The following ASAH1 variants were observed in gnomAD, a reference collection of about 807,000 sequenced individuals.
ASAH1 encodes the protein acid ceramidase.
In ASAH1, 70 loss-of-function variants were observed where a neutral mutation model predicts 59.5. The observed-to-expected ratio is 1.18, with a 90% CI of 0.97 to 1.43. The LOEUF (loss-of-function observed/expected upper bound fraction) is 1.43, where lower values mean the gene tolerates loss of function less well. Among genes scored for constraint, ASAH1 ranks in the 40% most tolerant of loss-of-function variants. The pLI is 0.00. For missense variants in ASAH1, 660 were observed against 482.5 expected, an observed-to-expected ratio of 1.37 and a Z score of -3.45; for synonymous variants, 213 against 166.5, an observed-to-expected ratio of 1.28 and a Z score of -2.15.
In ASAH1 at chr8:18,057,066, A is replaced by G. The variant is rs1015179500; in HGVS notation, c.*468T>C. On this transcript the variant is annotated 3_prime_UTR_variant, in exon 14 of 14. Coordinates refer to ENST00000637790, the MANE Select transcript of ASAH1 (RefSeq NM_177924.5). ...CAAAGATAATGATATATTAATTTTA[A>G]CAGCAGTTAGAACCAGAAGGAAAAG... is the stretch of plus-strand genomic sequence containing the variant. The G allele has an allele frequency of 1.2e-5, 2 of 170,620 alleles. No homozygotes were observed. The highest frequency in any genetic ancestry group is 4.8e-5 in the African/African-American group (2 of 41,890). The allele number at this position is 170,620 out of a possible 1,614,324, so 10.6% of individuals were successfully genotyped here.
chr8:18,057,620 T>C lies in ASAH1; in HGVS notation c.1102A>G (p.Thr368Ala). The C allele has an allele frequency of 6.3e-7, 1 of 1,599,188 alleles. No individual in the cohort carries two copies. The highest frequency in any genetic ancestry group is 1.7e-5 in the Admixed American group (1 of 59,568). Residue 368 changes from threonine (T) to alanine (A), a missense_variant, in exon 14 of 14, where the codon ACC becomes GCC. Physicochemically the swap from Thr to Ala is moderately conservative, Grantham distance 58. Coordinates refer to ENST00000637790, the MANE Select transcript of ASAH1 (RefSeq NM_177924.5). ...ACATCTATCAAGGTTGTGTATACGG[T>C]CAGCTGAAAGAAAAGTTATTTTTAC... ...LSTKPVLNKL[T>A]VYTTLIDVTK...
intron 7 of ASAH1, chr8:18,062,868 CTTTTT>C (rs10562212): frequency 7.9e-3 from 1,439 of 181,010 alleles, no homozygotes; most frequent in South Asian, 0.018. Context: ...GTTCTGTGTT[CTTTTT>C]TTTTTTTTTT....
At chr8:18,070,003 C>G (rs1436975477) in intron 3 of ASAH1, 125 bp from the exon 4 acceptor site, 5 of 624,828 alleles carry the variant, frequency 8.0e-6, no homozygotes, top group African/African-American at 3.7e-5. Context: ...TTTTTTAAAA[C>G]AGCATCTCGC....
upstream of ASAH1, chr8:18,084,730 C>T (rs767793706): frequency 7.4e-6 from 12 of 1,613,614 alleles, no homozygotes; most frequent in Admixed American, 2.0e-4. Flanking sequence ...CGGTGAAAAG[C>T]GCGCTGAGAC....
intron 2 of ASAH1, among the ~76,000 whole-genome samples, chr8:18,074,056 G>C (rs1171994807): frequency 2.0e-5 from 3 of 152,224 alleles, no homozygotes; most frequent in Non-Finnish European, 2.9e-5. Context: ...ATCAGGAAAG[G>C]TTTATGGTTT....
At chr8:18,058,800 C>G (rs768969765) in intron 13 of ASAH1, 35 bp downstream of exon 13, 3 of 1,575,140 alleles carry the variant, frequency 1.9e-6, no homozygotes, top group African/African-American at 1.3e-5. Context: ...AATTCTTTCC[C>G]TAAAAGGCAA....
intron 6 of ASAH1, 197 bp from the exon 7 acceptor site, chr8:18,063,427 C>A (rs1799791713): frequency 1.7e-6 from 1 of 594,218 alleles, no homozygotes. Context: ...CCTCAGCCTT[C>A]CACGTAGTTG....
chr8:18,077,310 G>A (rs140049639), intron 1 of ASAH1, among the ~76,000 whole-genome samples: 4 of 152,256 alleles, frequency 2.6e-5, no homozygotes, highest in Non-Finnish European at 4.4e-5. Context: ...TAAACACCTC[G>A]CATGTTCACA....
At position 18,062,437 on chromosome 8, in the gene ASAH1, G is replaced by A. The variant is rs1420857851; in HGVS notation, c.504-14C>T. The A allele has an allele frequency of 6.2e-7, 1 of 1,613,744 alleles. No homozygotes were observed. The highest frequency in any genetic ancestry group is 1.3e-5 in the African/African-American group (1 of 75,038). On this transcript the variant is annotated splice_polypyrimidine_tract_variant and intron_variant, in intron 7 of 13. Transcript: ENST00000637790. Reference sequence around the variant, plus strand: ...TTTATGTTCCACCTATAAAAGACATGTTTCAGTGACATTTCAGAAACACAG... The same window carrying A: ...TTTATGTTCCACCTATAAAAGACATATTTCAGTGACATTTCAGAAACACAG...
intron 1 of ASAH1, chr8:18,075,796 T>C (rs1800379422): frequency 3.4e-6 from 2 of 590,692 alleles, no homozygotes; most frequent in African/African-American, 1.9e-5. Flanking sequence ...CAATTCAATT[T>C]GTAAAAGTGC....
At position 18,058,643 on chromosome 8, in the gene ASAH1, C is replaced by A. The variant is rs1799564971; in HGVS notation, c.1098+192G>T. ...ATAAACAATATTCTGACCTATCAAGCCTCAGTGATCAATTTCTTTCTTGTA... is the reference window on the plus strand; with the variant it reads ...ATAAACAATATTCTGACCTATCAAGACTCAGTGATCAATTTCTTTCTTGTA... On this transcript the variant is annotated intron_variant, in intron 13 of 13. Transcript: ENST00000637790. The A allele has an allele frequency of 4.9e-6, 3 of 607,852 alleles. No individual in the cohort carries two copies. The South Asian group carries it at 6.0e-5, about 12-fold the overall frequency. 37.7% of individuals were successfully genotyped at this position (607,852 alleles called of 1,614,324 possible).
chr8:18,062,781 T>C (rs186187763), intron 7 of ASAH1: 3 of 385,580 alleles, frequency 7.8e-6, no homozygotes, highest in African/African-American at 4.1e-5. Context: ...TCTTCACTTA[T>C]GATCACATTT....
chr8:18,067,890 T>C (rs889623789), intron 4 of ASAH1: 1 of 152,160 alleles, frequency 6.6e-6, no homozygotes, highest in African/African-American at 2.4e-5. Flanking sequence ...ACTACTAACA[T>C]CCAGATCACA....
upstream of ASAH1, chr8:18,084,756 G>A (rs747445274): frequency 1.9e-6 from 3 of 1,613,540 alleles, no homozygotes; most frequent in African/African-American, 1.3e-5. Context: ...TAGGAGGCCC[G>A]GTGGGACCCG....
rs1265153462 is a variant in ASAH1 at position 18,061,150 on chromosome 8, A to G, written c.785+227T>C. ...CCAAAAATATTCATAGGTGCCTTTC[A>G]TAATGTCAGTATCCCTAGTGCTTTT... On this transcript the variant is annotated intron_variant, in intron 10 of 13. Transcript: ENST00000637790. The G allele has an allele frequency of 1.7e-5, 7 of 406,398 alleles. No homozygotes were observed. The East Asian group carries it at 3.4e-4, about 20-fold the overall frequency. The allele number at this position is 406,398 out of a possible 1,614,324, so 25.2% of individuals were successfully genotyped here.
intron 1 of ASAH1, among the ~76,000 whole-genome samples, chr8:18,077,490 G>A (rs1314382330): frequency 1.3e-5 from 2 of 152,090 alleles, no homozygotes; most frequent in African/African-American, 4.8e-5. Flanking sequence ...TGATTCAGAG[G>A]CTAACTCTTC....
intron 8 of ASAH1, 161 bp downstream of exon 8, chr8:18,062,118 C>CT: frequency 1.1e-6 from 1 of 950,866 alleles, no homozygotes; most frequent in Non-Finnish European, 1.6e-6. Context: ...CTACTCTTCT[C>CT]TACCACGAGA....
At chr8:18,081,159 G>A (rs999838454) in intron 1 of ASAH1, among the ~76,000 whole-genome samples, 4 of 152,060 alleles carry the variant, frequency 2.6e-5, no homozygotes, top group Admixed American at 6.5e-5. Flanking sequence ...TTCCTGGAAC[G>A]GATGCCACCA....
chr8:18,078,455 T>C lies in ASAH1; in HGVS notation c.79-2868A>G, dbSNP rs76625820. On this transcript the variant is annotated intron_variant, in intron 1 of 13. Transcript: ENST00000637790. The stretch of plus-strand genomic sequence containing the variant: ...GAAATAGGATAAGTGTGACAGAAAA[T>C]AAGAAAGTTGGCAGCTATGAGACTA... 3.7e-4 allele frequency among the ~76,000 whole-genome samples: 56 copies of C among 152,062 alleles called. No individual in the cohort carries two copies. The East Asian group carries it at 9.1e-3, about 25-fold the overall frequency.
Sources: allele counts gnomAD v4.1 joint callset (sites outside exome capture counted in the v4.1 genomes callset), GRCh38; gene constraint gnomAD v4.1.1; transcripts MANE v1.5; gene names NCBI Gene and HGNC (gene_info 2026-07-23, HGNC 2026-07-21).